Variants in DIAPH2 observed in about 807,000 individuals in gnomAD.
DIAPH2 encodes the protein diaphanous related formin 2, also known as protein diaphanous homolog 2.
In DIAPH2, 35 loss-of-function variants were observed where a neutral mutation model predicts 92.7. The observed-to-expected ratio is 0.38, with a 90% CI of 0.29 to 0.50. The LOEUF is 0.50. DIAPH2 is among the 20% of genes least tolerant of loss of function. The pLI, the probability that DIAPH2 is intolerant of heterozygous loss-of-function variation, is 0.94. For synonymous variants in DIAPH2, 301 were observed against 280.4 expected (o/e 1.07, Z -0.73); for missense variants, 701 against 819.5 (o/e 0.86, Z 1.77).
At chrX:96,830,328 T>C (rs1016671141) in intron 4 of DIAPH2, among the ~76,000 whole-genome samples, 41 of 110,043 alleles carry the variant, frequency 3.7e-4, no homozygotes, top group African/African-American at 1.3e-3. Flanking sequence ...TCCCAGCACT[T>C]TGGGAGGCCG....
intron 17 of DIAPH2, among the ~76,000 whole-genome samples, chrX:97,035,909 A>C (rs1235644472): frequency 1.2e-4 from 13 of 109,390 alleles, no homozygotes; most frequent in African/African-American, 4.3e-4. Flanking sequence ...CTTGAGAGGT[A>C]GAGGTGGGAG....
At chrX:97,415,452 C>A (rs999662254) in intron 25 of DIAPH2, among the ~76,000 whole-genome samples, 1 of 111,593 alleles carries the variant, frequency 9.0e-6, no homozygotes, top group African/African-American at 3.3e-5. Context: ...TGGAACCAAC[C>A]CAAATGTCCA....
At chrX:97,091,748 G>A (rs1015946052) in intron 19 of DIAPH2, among the ~76,000 whole-genome samples, 1 of 111,739 alleles carries the variant, frequency 8.9e-6, no homozygotes, top group Non-Finnish European at 1.9e-5. Flanking sequence ...TAACTGAGCT[G>A]TAGTCTAAAT....
chrX:97,043,870 A>G (rs1354356157), intron 17 of DIAPH2, among the ~76,000 whole-genome samples: 2 of 112,047 alleles, frequency 1.8e-5, no homozygotes, highest in South Asian at 3.7e-4. Context: ...TTAAATGAAT[A>G]CTCTTGACAT....
intron 22 of DIAPH2, among the ~76,000 whole-genome samples, chrX:97,175,184 G>A (rs1244811880): frequency 9.0e-6 from 1 of 111,666 alleles, no homozygotes; most frequent in Non-Finnish European, 1.9e-5. Context: ...ACAGGTTTGA[G>A]GCTTCTGTTT....
intron 10 of DIAPH2, among the ~76,000 whole-genome samples, chrX:96,935,836 T>G (rs1045194117): frequency 1.5e-4 from 17 of 111,976 alleles, no homozygotes; most frequent in African/African-American, 5.5e-4. Flanking sequence ...CTGAAATATT[T>G]GAAAGTGTTT....
rs553434499 is a variant in DIAPH2 at position 97,218,839 on chromosome X, G to A, written c.2720-28876G>A. Among the ~76,000 whole-genome samples the A allele has an allele frequency of 7.5e-4, 84 of 111,348 alleles. 1 individual carries two copies. The South Asian group carries it at 0.02, about 27-fold the overall frequency. On this transcript the variant is annotated intron_variant, in intron 22 of 26. Transcript: ENST00000324765. The stretch of plus-strand genomic sequence containing the variant: ...TTGTTATATTGAGTTTTAAAAATGT[G>A]TATTATTTTTTATTGTTTTGTTATT...
intron 4 of DIAPH2, among the ~76,000 whole-genome samples, chrX:96,822,623 TTATAAA>T (rs1264720530): frequency 1.8e-5 from 2 of 111,811 alleles, no homozygotes; most frequent in African/African-American, 6.5e-5. Context: ...GAACAATGAG[TTATAAA>T]TATAAAACCA....
chrX:97,072,827 A>G lies in DIAPH2; in HGVS notation c.2051-114A>G, dbSNP rs112987381. The G allele has an allele frequency of 2.8e-3, 1,206 of 431,264 alleles. 18 individuals carry two copies. The African/African-American group carries it at 0.028, about 10-fold the overall frequency. The allele number at this position is 431,264 out of a possible 1,213,427, so 35.5% of individuals were successfully genotyped here. A position where few individuals can be genotyped will look rare whatever the true frequency, so the allele number is the denominator to read the frequency against. Reference sequence around the variant, plus strand: ...TTCCTTGAGCTAATGAAATCAACACATTTATTGATTTCAGAATGAGCTTTA... The same window carrying G: ...TTCCTTGAGCTAATGAAATCAACACGTTTATTGATTTCAGAATGAGCTTTA... On this transcript the variant is annotated intron_variant, in intron 17 of 26. Transcript: ENST00000324765.
intron 23 of DIAPH2, among the ~76,000 whole-genome samples, chrX:97,275,229 GC>G (rs773014804): frequency 6.6e-5 from 7 of 105,898 alleles, no homozygotes; most frequent in African/African-American, 1.7e-4. Context: ...GGGCAGAGGT[GC>G]CCCCCCCACC....
At chrX:97,297,623 T>C (rs897003930) in intron 23 of DIAPH2, among the ~76,000 whole-genome samples, 20 of 95,457 alleles carry the variant, frequency 2.1e-4, no homozygotes, top group East Asian at 3.6e-4. Context: ...TTTTTTTTTT[T>C]CAGTGTGGTT....
intron 23 of DIAPH2, among the ~76,000 whole-genome samples, chrX:97,314,661 T>G (rs1476718957): frequency 8.9e-6 from 1 of 112,085 alleles, no homozygotes; most frequent in Non-Finnish European, 1.9e-5. Flanking sequence ...GATATATATC[T>G]TTCTATACTG....
At chrX:96,793,725 C>T in intron 4 of DIAPH2, 1 of 321,828 alleles carries the variant, frequency 3.1e-6, no homozygotes, top group Non-Finnish European at 6.0e-6. Context: ...TAATTACTTC[C>T]CAAAGATCCC....
chrX:97,071,800 A>T (rs2147911195), intron 17 of DIAPH2, among the ~76,000 whole-genome samples: 1 of 112,008 alleles, frequency 8.9e-6, no homozygotes, highest in Admixed American at 9.5e-5. Context: ...AAAGAAAATC[A>T]ATAATGCATT....
At chrX:97,288,511 A>C (rs932203041) in intron 23 of DIAPH2, among the ~76,000 whole-genome samples, 13 of 110,953 alleles carry the variant, frequency 1.2e-4, no homozygotes, top group African/African-American at 4.3e-4. Context: ...TGGGAGGCCA[A>C]GGTGGGTGGA....
At chrX:97,087,997 TCTCTA>T (rs2066795833) in intron 19 of DIAPH2, among the ~76,000 whole-genome samples, 1 of 111,845 alleles carries the variant, frequency 8.9e-6, no homozygotes, top group Admixed American at 9.5e-5. Context: ...TTGGTCTTTG[TCTCTA>T]GACTTCCTCC....
At chrX:96,728,767 A>C (rs1025365006) in intron 1 of DIAPH2, among the ~76,000 whole-genome samples, 10 of 112,732 alleles carry the variant, frequency 8.9e-5, no homozygotes, top group Non-Finnish European at 1.7e-4. Flanking sequence ...TATTTGTCTA[A>C]ATCTAGCTTT....
chrX:97,499,354 T>C (rs1048998342), intron 26 of DIAPH2, among the ~76,000 whole-genome samples: 1 of 112,119 alleles, frequency 8.9e-6, no homozygotes, highest in Admixed American at 9.5e-5. Flanking sequence ...TTGTGATACA[T>C]TAATGAATAA....
intron 26 of DIAPH2, among the ~76,000 whole-genome samples, chrX:97,440,248 A>G (rs2070239499): frequency 9.0e-6 from 1 of 111,603 alleles, no homozygotes; most frequent in Admixed American, 9.5e-5. Flanking sequence ...TGTGCTTCCA[A>G]AGTTGAGAAC....
Sources: gnomAD v4.1 joint callset for allele counts (sites outside exome capture counted in the v4.1 genomes callset) on GRCh38, gnomAD v4.1.1 for gene constraint, MANE v1.5 for transcripts, NCBI Gene and HGNC (gene_info 2026-07-23, HGNC 2026-07-21) for gene names.